Variants in TTLL13 observed in about 807,000 individuals in gnomAD.
TTLL13 encodes tubulin polyglutamylase TTLL13.
At chr15:90,264,505 T>C in the TTLL13 span, among the ~76,000 whole-genome samples, 4 of 152,108 alleles carry the variant, frequency 2.6e-5, no homozygotes, top group South Asian at 2.1e-4. Flanking sequence ...ACCCTGGTGA[T>C]AGAAATGGCA....
the TTLL13 span, chr15:90,264,754 C>A: frequency 5.9e-6 from 9 of 1,536,126 alleles, no homozygotes; most frequent in Non-Finnish European, 7.8e-6. Context: ...AAGCCATAAA[C>A]CGAGTCCTGG....
the TTLL13 span, among the ~76,000 whole-genome samples, chr15:90,254,856 GAA>G: frequency 6.6e-6 from 1 of 150,486 alleles, no homozygotes; most frequent in African/African-American, 2.4e-5. Context: ...AGGGAAGGGG[GAA>G]AAAAAAAGGA....
chr15:90,258,280 T>C, the TTLL13 span: 12 of 1,613,714 alleles, frequency 7.4e-6, no homozygotes, highest in Non-Finnish European at 9.3e-6. Context: ...GTGAGGATTA[T>C]CTCCTAGGCT....
chr15:90,256,231 C>T, the TTLL13 span: 2 of 1,614,186 alleles, frequency 1.2e-6, no homozygotes, highest in Non-Finnish European at 1.7e-6. Flanking sequence ...GTGGCATCTT[C>T]ATTACCCGAA....
chr15:90,251,590 G>A, the TTLL13 span: 1 of 1,613,952 alleles, frequency 6.2e-7, no homozygotes, highest in Non-Finnish European at 8.5e-7. Context: ...GCAAGTATGA[G>A]AGTGGTAAGC....
At chr15:90,258,257 C>T in the TTLL13 span, 1 of 1,614,160 alleles carries the variant, frequency 6.2e-7, no homozygotes, top group African/African-American at 1.3e-5. Flanking sequence ...AGTTGAAGCC[C>T]TGGCTGCTAG....
chr15:90,253,195 C>T, the TTLL13 span: 25 of 1,483,180 alleles, frequency 1.7e-5, no homozygotes, highest in Non-Finnish European at 2.3e-5. Context: ...TACACAGTTC[C>T]AGGGCTTGTT....
At chr15:90,263,687 G>C in the TTLL13 span, 1 of 616,740 alleles carries the variant, frequency 1.6e-6, no homozygotes, top group Non-Finnish European at 2.9e-6. Context: ...TTCTTCCAAC[G>C]CTCCATCCAA....
chr15:90,263,661 T>C, the TTLL13 span: 1 of 605,510 alleles, frequency 1.7e-6, no homozygotes. Context: ...AGAAGAGATT[T>C]TTTTCAGTTA....
chr15:90,257,252 C>G, the TTLL13 span: 3 of 1,613,654 alleles, frequency 1.9e-6, no homozygotes, highest in African/African-American at 1.3e-5. Context: ...TGCCACCACG[C>G]CCTATATGGA....
At chr15:90,257,162 T>C in the TTLL13 span, 1 of 1,613,708 alleles carries the variant, frequency 6.2e-7, no homozygotes, top group Non-Finnish European at 8.5e-7. Context: ...TGGCTTCAAG[T>C]TTGATATGCG....
the TTLL13 span, chr15:90,253,419 T>A: frequency 1.4e-6 from 2 of 1,388,992 alleles, no homozygotes; most frequent in Non-Finnish European, 1.0e-6. Context: ...CCAGAATGAC[T>A]ATTCCCACCT....
chr15:90,261,917 G>A, the TTLL13 span: 7 of 1,104,340 alleles, frequency 6.3e-6, no homozygotes, highest in East Asian at 3.0e-5. Context: ...GAAGCCAGCA[G>A]GAGGGTCTCC....
At chr15:90,263,686 C>T in the TTLL13 span, 11 of 615,126 alleles carry the variant, frequency 1.8e-5, no homozygotes, top group East Asian at 1.1e-4. Context: ...CTTCTTCCAA[C>T]GCTCCATCCA....
At chr15:90,253,936 T>C in the TTLL13 span, among the ~76,000 whole-genome samples, 1 of 152,124 alleles carries the variant, frequency 6.6e-6, no homozygotes, top group Non-Finnish European at 1.5e-5. Flanking sequence ...GGCAGGAAGT[T>C]GAGGAAATTA....
chr15:90,255,970 G>A, the TTLL13 span: 3 of 1,595,930 alleles, frequency 1.9e-6, no homozygotes, highest in East Asian at 2.2e-5. Flanking sequence ...ACCTAGGAAT[G>A]TCTCAGAGGG....
the TTLL13 span, chr15:90,263,557 C>T: frequency 5.5e-6 from 3 of 550,240 alleles, no homozygotes; most frequent in Non-Finnish European, 6.4e-6. Context: ...AGAGCTGCCG[C>T]TTTCACTATT....
chr15:90,249,655 C>G, the TTLL13 span: 4 of 152,272 alleles, frequency 2.6e-5, no homozygotes, highest in Non-Finnish European at 5.9e-5. Context: ...TGGGGACAGC[C>G]AGTCCTGTGA....
At chr15:90,260,515 A>G in the TTLL13 span, among the ~76,000 whole-genome samples, 1 of 151,990 alleles carries the variant, frequency 6.6e-6, no homozygotes, top group Admixed American at 6.5e-5. Context: ...AAATTAAAAA[A>G]TAAAATAAAA....
Sources: allele counts gnomAD v4.1 joint callset (sites outside exome capture counted in the v4.1 genomes callset), GRCh38; gene constraint gnomAD v4.1.1; transcripts MANE v1.5; gene names NCBI Gene and HGNC (gene_info 2026-07-23, HGNC 2026-07-21).